The following DENND1B variants were observed in gnomAD, a reference collection of about 807,000 sequenced individuals.
The protein encoded by DENND1B is DENN domain containing 1B, also known as DENN domain-containing protein 1B.
Under a neutral mutation model 90.1 loss-of-function variants are expected in DENND1B, and 59 were observed. The ratio of observed to expected loss-of-function variants is 0.65; its 90% CI spans 0.53 to 0.81. The LOEUF (loss-of-function observed/expected upper bound fraction) is 0.81. Among genes scored for constraint, DENND1B ranks in the 40% least tolerant of loss-of-function variants. DENND1B has a pLI of 0.00. For missense variants in DENND1B, 862 were observed against 912.6 expected (o/e 0.94, Z 0.71); for synonymous variants, 337 against 324.6 (o/e 1.04, Z -0.41).
intron 2 of DENND1B, among the ~76,000 whole-genome samples, chr1:197,764,995 G>A (rs1033776023): frequency 3.3e-5 from 5 of 152,116 alleles, no homozygotes; most frequent in African/African-American, 1.2e-4. Flanking sequence ...ATTGTAAAAG[G>A]CATCAAAGCA....
intron 6 of DENND1B, among the ~76,000 whole-genome samples, chr1:197,653,871 C>CA (rs927319595): frequency 6.6e-6 from 1 of 152,054 alleles, no homozygotes; most frequent in Non-Finnish European, 1.5e-5. Flanking sequence ...TGTACATTCA[C>CA]AAAAACAAAG....
intron 10 of DENND1B, among the ~76,000 whole-genome samples, chr1:197,628,774 T>G (rs910133827): frequency 8.6e-5 from 13 of 151,714 alleles, no homozygotes; most frequent in Non-Finnish European, 1.8e-4. Context: ...TGCAACCTAC[T>G]CATCTGACAA....
At chr1:197,536,156 GAGAT>G (rs1426821426) in intron 20 of DENND1B, among the ~76,000 whole-genome samples, 1 of 48,566 alleles carries the variant, frequency 2.1e-5, no homozygotes, top group African/African-American at 4.7e-5. Flanking sequence ...GAGAGAGAGA[GAGAT>G]AGATGAGATG....
At chr1:197,654,705 A>T (rs975709551) in intron 6 of DENND1B, among the ~76,000 whole-genome samples, 14 of 152,222 alleles carry the variant, frequency 9.2e-5, no homozygotes, top group African/African-American at 3.4e-4. Flanking sequence ...TACTGCATTA[A>T]GCTTCCTGGG....
intron 2 of DENND1B, among the ~76,000 whole-genome samples, chr1:197,769,650 T>C (rs2488395): frequency 0.8 from 121,865 of 152,094 alleles, 48,919 homozygotes; most frequent in East Asian, 0.87. Flanking sequence ...GTTTCTCTAT[T>C]ATTTAAACCA....
intron 15 of DENND1B, among the ~76,000 whole-genome samples, chr1:197,568,747 AG>A (rs564349241): frequency 1.1e-3 from 173 of 152,288 alleles, no homozygotes; most frequent in Non-Finnish European, 2.1e-3. Context: ...CACAAAATGG[AG>A]AAGGACATCC....
At chr1:197,566,982 T>C (rs1034844375) in intron 15 of DENND1B, among the ~76,000 whole-genome samples, 2 of 151,946 alleles carry the variant, frequency 1.3e-5, no homozygotes, top group African/African-American at 4.8e-5. Context: ...CTAATGACAG[T>C]AAATAAAGAC....
At chr1:197,578,969 G>C (rs1340140870) in intron 15 of DENND1B, among the ~76,000 whole-genome samples, 1 of 152,092 alleles carries the variant, frequency 6.6e-6, no homozygotes, top group South Asian at 2.1e-4. Context: ...TCACTATGCT[G>C]CCCAGGCTGG....
At chr1:197,618,099 G>A (rs528526804) in intron 10 of DENND1B, among the ~76,000 whole-genome samples, 19 of 151,296 alleles carry the variant, frequency 1.3e-4, no homozygotes, top group Middle Eastern at 3.4e-3. Context: ...AATTTGTACA[G>A]CATAGTTTGT....
intron 18 of DENND1B, among the ~76,000 whole-genome samples, chr1:197,541,603 C>A (rs569136838): frequency 2.2e-4 from 34 of 152,188 alleles, no homozygotes; most frequent in Non-Finnish European, 4.0e-4. Flanking sequence ...GCTGTGATTC[C>A]TGTGGGGTAT....
At chr1:197,693,773 T>A (rs1558410162) in intron 3 of DENND1B, among the ~76,000 whole-genome samples, 2 of 151,476 alleles carry the variant, frequency 1.3e-5, no homozygotes, top group African/African-American at 4.8e-5. Flanking sequence ...TCTTTTTAGA[T>A]CAGTCCATAT....
chr1:197,749,295 G>C (rs1269005306), intron 2 of DENND1B, among the ~76,000 whole-genome samples: 2 of 151,780 alleles, frequency 1.3e-5, no homozygotes, highest in Non-Finnish European at 2.9e-5. Flanking sequence ...ATAGACCCAA[G>C]AAGCTCAAAA....
At chr1:197,550,858 T>C (rs1182194119) in intron 16 of DENND1B, among the ~76,000 whole-genome samples, 1 of 151,774 alleles carries the variant, frequency 6.6e-6, no homozygotes, top group Admixed American at 6.6e-5. Flanking sequence ...TTAAATGAGA[T>C]AATATTTGTA....
intron 10 of DENND1B, among the ~76,000 whole-genome samples, chr1:197,641,983 A>C (rs1225082055): frequency 6.6e-6 from 1 of 152,114 alleles, no homozygotes; most frequent in Non-Finnish European, 1.5e-5. Context: ...TACATCATAG[A>C]TTATCTAAAA....
upstream of DENND1B, among the ~76,000 whole-genome samples, chr1:197,777,172 T>C (rs1422071648): frequency 1.3e-5 from 2 of 152,188 alleles, no homozygotes; most frequent in African/African-American, 4.8e-5. Flanking sequence ...TCTCCTTTCA[T>C]TATAATTAAT....
intron 20 of DENND1B, among the ~76,000 whole-genome samples, chr1:197,521,022 C>A (rs1172258166): frequency 6.6e-6 from 1 of 151,760 alleles, no homozygotes; most frequent in Non-Finnish European, 1.5e-5. Context: ...GAAACACTGA[C>A]CCTACAGGTG....
chr1:197,620,614 T>C (rs1472340084), intron 10 of DENND1B, among the ~76,000 whole-genome samples: 4 of 151,340 alleles, frequency 2.6e-5, no homozygotes, highest in Admixed American at 2.6e-4. Flanking sequence ...TATCTAAAAG[T>C]TTAAGTGCTT....
rs772026280 is a variant in DENND1B, at chr1:197,553,045, A to T, written c.1217T>A (p.Ile406Asn). Reference sequence around the variant, plus strand: ...ACCTCCACAAAAGCCACCTGAAGTGATCTCTTCTTCAAATACATCAGAGAA... The same window carrying T: ...ACCTCCACAAAAGCCACCTGAAGTGTTCTCTTCTTCAAATACATCAGAGAA... ...RGFSDVFEEE[I>N]TSGGFCGGNP... is the part of the protein sequence containing the mutation. Residue 406 changes from isoleucine to asparagine, a missense_variant, in exon 16 of 23, where the codon ATC (isoleucine) becomes AAC (asparagine). Ile to Asn is a moderately radical substitution (Grantham distance 149). Coordinates refer to ENST00000620048, the MANE Select transcript of DENND1B (RefSeq NM_001195215.2). 5.1e-6 allele frequency: 8 copies of T among 1,571,014 alleles called. No homozygotes were observed. Among genetic ancestry groups the T allele is most frequent in the Non-Finnish European group, 4.3e-6 (5 of 1,165,278 alleles).
chr1:197,757,551 T>C (rs1335988661), intron 2 of DENND1B: 1 of 152,190 alleles, frequency 6.6e-6, no homozygotes, highest in Non-Finnish European at 1.5e-5. Flanking sequence ...AGAAACACTG[T>C]TATTGAGAAC....
Sources: allele counts gnomAD v4.1 joint callset (sites outside exome capture counted in the v4.1 genomes callset), GRCh38; gene constraint gnomAD v4.1.1; transcripts MANE v1.5; gene names NCBI Gene and HGNC (gene_info 2026-07-23, HGNC 2026-07-21).